Variants in ELOVL6 observed in about 807,000 individuals in gnomAD.
ELOVL6 encodes ELOVL fatty acid elongase 6, also known as very long chain fatty acid elongase 6.
In ELOVL6, 8 loss-of-function variants were observed where a neutral mutation model predicts 31.7. The ratio of observed to expected loss-of-function variants is 0.25; its 90% CI spans 0.15 to 0.45. ELOVL6 has a LOEUF of 0.45. ELOVL6 is among the 20% of genes least tolerant of loss of function. The pLI, the probability that ELOVL6 is intolerant of heterozygous loss-of-function variation, is 1.00. For synonymous variants in ELOVL6, 101 were observed against 117.7 expected (o/e 0.86, Z 0.92); for missense variants, 126 against 326.4 (o/e 0.39, Z 4.73).
At chr4:110,102,477 G>A (rs1756775704) in intron 2 of ELOVL6, among the ~76,000 whole-genome samples, 1 of 152,064 alleles carries the variant, frequency 6.6e-6, no homozygotes, top group Non-Finnish European at 1.5e-5. Context: ...GCAACATAGT[G>A]AAACTCCATC....
intron 1 of ELOVL6, among the ~76,000 whole-genome samples, chr4:110,192,463 C>T (rs1759653740): frequency 6.6e-6 from 1 of 152,070 alleles, no homozygotes; most frequent in Admixed American, 6.6e-5. Context: ...TTTAGAATCA[C>T]CCTCAAACAA....
chr4:110,178,304 T>C (rs956000114), intron 1 of ELOVL6, among the ~76,000 whole-genome samples: 1 of 152,082 alleles, frequency 6.6e-6, no homozygotes, highest in African/African-American at 2.4e-5. Context: ...TTCCAGCACT[T>C]GGGGAGGCCA....
intron 2 of ELOVL6, among the ~76,000 whole-genome samples, chr4:110,084,426 C>CATATATCATATATGATATATCACAT (rs372760198): frequency 4.4e-5 from 3 of 67,514 alleles, no homozygotes; most frequent in African/African-American, 1.6e-4. Context: ...TGATATATCA[C>CATATATCATATATGATATATCACAT]ATATATCATA....
rs1756064201 is a variant in ELOVL6 at position 110,084,179 on chromosome 4, T to TGTATAAC, written c.221+21317_221+21318insGTTATAC. ...TAACATATATGTGATATATATGATA[T>TGTATAAC]ATATAACATATAACTTATATGATAT... is the stretch of plus-strand genomic sequence containing the variant. On this transcript the variant is annotated intron_variant, in intron 2 of 3. Transcript: ENST00000302274. Among the ~76,000 whole-genome samples the TGTATAAC allele has an allele frequency of 1.8e-5, 2 of 110,900 alleles. 1 individual carries two copies. Among genetic ancestry groups the TGTATAAC allele is most frequent in the African/African-American group, 6.9e-5 (2 of 29,106 alleles). 72.8% of individuals were successfully genotyped at this position (110,900 alleles called of 152,430 possible).
At chr4:110,077,117 G>A (rs533400700) in intron 2 of ELOVL6, among the ~76,000 whole-genome samples, 12 of 152,310 alleles carry the variant, frequency 7.9e-5, no homozygotes, top group East Asian at 1.9e-4. Context: ...GGAGCCAACC[G>A]CAGCTCAAGG....
chr4:110,192,089 T>C (rs28458344), intron 1 of ELOVL6, among the ~76,000 whole-genome samples: 8,196 of 150,098 alleles, frequency 0.055, 253 homozygotes, highest in African/African-American at 0.075. Flanking sequence ...ACTCAGGAGG[T>C]TGAGGTAGGA....
chr4:110,176,204 T>C (rs1483460605), intron 1 of ELOVL6, among the ~76,000 whole-genome samples: 3 of 152,094 alleles, frequency 2.0e-5, no homozygotes, highest in Non-Finnish European at 2.9e-5. Context: ...ACTCTGTTGC[T>C]CACGCTGGAA....
chr4:110,144,699 C>T lies in ELOVL6; in HGVS notation c.90-39071G>A, dbSNP rs77506489. Among the ~76,000 whole-genome samples the T allele has an allele frequency of 9.7e-3, 1,473 of 152,232 alleles. 31 individuals carry two copies. Among genetic ancestry groups the T allele is most frequent in the African/African-American group, 0.033 (1,363 of 41,514 alleles). Reference sequence around the variant, plus strand: ...TAGTGTCTCCTCCTTGGGTGCTATACAGGAGTGACCATCACCAATAAAAAT... The same window carrying T: ...TAGTGTCTCCTCCTTGGGTGCTATATAGGAGTGACCATCACCAATAAAAAT... On this transcript the variant is annotated intron_variant, in intron 1 of 3. Coordinates refer to ENST00000302274, the MANE Select transcript of ELOVL6 (RefSeq NM_024090.3).
At chr4:110,189,592 CAAAAAAAAAAA>C (rs761765202) in intron 1 of ELOVL6, among the ~76,000 whole-genome samples, 1 of 75,342 alleles carries the variant, frequency 1.3e-5, no homozygotes, top group Admixed American at 1.9e-4. Context: ...GACTCTGTCT[CAAAAAAAAAAA>C]AAAAAAAAAA....
intron 1 of ELOVL6, among the ~76,000 whole-genome samples, chr4:110,197,609 C>G (rs1432875824): frequency 6.6e-6 from 1 of 152,060 alleles, no homozygotes; most frequent in Non-Finnish European, 1.5e-5. Flanking sequence ...TCCCCTCCTC[C>G]CTCCCACCCG....
At chr4:110,144,492 T>G (rs944638840) in intron 1 of ELOVL6, among the ~76,000 whole-genome samples, 1 of 152,212 alleles carries the variant, frequency 6.6e-6, no homozygotes, top group Non-Finnish European at 1.5e-5. Flanking sequence ...TTTATATAAA[T>G]AATTTTTCCC....
chr4:110,145,097 A>G (rs990048585), intron 1 of ELOVL6, among the ~76,000 whole-genome samples: 1 of 151,898 alleles, frequency 6.6e-6, no homozygotes, highest in Non-Finnish European at 1.5e-5. Context: ...GTGGAAAGGG[A>G]TGGTCTGATC....
intron 1 of ELOVL6, among the ~76,000 whole-genome samples, chr4:110,195,260 G>C (rs552160781): frequency 5.3e-5 from 8 of 152,200 alleles, no homozygotes; most frequent in African/African-American, 1.9e-4. Flanking sequence ...TGGGATTACA[G>C]GCACCCGCCA....
intron 1 of ELOVL6, among the ~76,000 whole-genome samples, chr4:110,147,853 G>A (rs549230938): frequency 1.2e-4 from 18 of 151,458 alleles, no homozygotes; most frequent in African/African-American, 2.7e-4. Flanking sequence ...GGTGGCTCAC[G>A]CCTGTAATCC....
chr4:110,154,156 A>G (rs1358874255), intron 1 of ELOVL6, among the ~76,000 whole-genome samples: 1 of 152,178 alleles, frequency 6.6e-6, no homozygotes, highest in Non-Finnish European at 1.5e-5. Context: ...GGCTCACCAC[A>G]GCCTTCACAT....
intron 1 of ELOVL6, among the ~76,000 whole-genome samples, chr4:110,149,895 C>T (rs1394754377): frequency 6.6e-6 from 1 of 152,098 alleles, no homozygotes; most frequent in Admixed American, 6.6e-5. Context: ...AGACTGTATC[C>T]TATAGATTTT....
intron 1 of ELOVL6, among the ~76,000 whole-genome samples, chr4:110,118,791 A>G (rs2062811169): frequency 6.6e-6 from 1 of 152,200 alleles, no homozygotes; most frequent in Non-Finnish European, 1.5e-5. Flanking sequence ...AGTAGGCCAG[A>G]TGCAATGGCT....
chr4:110,051,085 A>T lies in ELOVL6; in HGVS notation c.*253T>A. On this transcript the variant is annotated 3_prime_UTR_variant, in exon 4 of 4. Transcript: ENST00000302274. The surrounding 1 kb of genome is among the most constrained non-coding windows in gnomAD (Gnocchi z 4.8). ...TGTTCTCCCTTGTCCTAGAGTTGAT[A>T]GATAAAGAGGGAATGGGGTCTTCCA... The T allele has an allele frequency of 2.1e-6, 1 of 481,304 alleles. No homozygotes were observed. The highest frequency in any genetic ancestry group is 1.9e-5 in the African/African-American group (1 of 51,662). The allele number at this position is 481,304 out of a possible 1,614,324, so 29.8% of individuals were successfully genotyped here.
chr4:110,192,039 A>T (rs1007698713), intron 1 of ELOVL6, among the ~76,000 whole-genome samples: 2 of 151,910 alleles, frequency 1.3e-5, no homozygotes, highest in African/African-American at 4.8e-5. Flanking sequence ...AATACAAAAA[A>T]ATCAGCCGGG....
Sources: allele counts gnomAD v4.1 joint callset (sites outside exome capture counted in the v4.1 genomes callset), GRCh38; gene constraint gnomAD v4.1.1; non-coding constraint Gnocchi (gnomAD v3.1); transcripts MANE v1.5; gene names NCBI Gene and HGNC (gene_info 2026-07-23, HGNC 2026-07-21).